NOP14: variants seen among roughly 807,000 people sequenced by gnomAD.
NOP14 encodes NOP14 nucleolar protein.
NOP14 carries 57 observed loss-of-function variants against 101.6 expected under a neutral mutation model. The ratio of observed to expected loss-of-function variants is 0.56; its 90% CI spans 0.45 to 0.70. The LOEUF (loss-of-function observed/expected upper bound fraction) is 0.70. Ranked by LOEUF, NOP14 falls within the 30% of genes least tolerant of loss-of-function variation. NOP14 has a pLI of 0.00. For missense variants in NOP14, 1,134 were observed against 1,075.5 expected, an observed-to-expected ratio of 1.05 and a Z score of -0.76; for synonymous variants, 428 against 424.0, an observed-to-expected ratio of 1.01 and a Z score of -0.12.
At chr4:2,961,994 C>G (rs992174822) in intron 1 of NOP14, among the ~76,000 whole-genome samples, 9 of 152,180 alleles carry the variant, frequency 5.9e-5, no homozygotes, top group African/African-American at 1.9e-4. Context: ...CCTTTAGAGA[C>G]TTTCGGAGGT....
At position 2,953,632 on chromosome 4, in the gene NOP14, G is replaced by C; in HGVS notation, c.626C>G (p.Ala209Gly). The C allele has an allele frequency of 6.2e-7, 1 of 1,614,134 alleles. No homozygotes were observed. The highest frequency in any genetic ancestry group is 8.5e-7 in the Non-Finnish European group (1 of 1,180,030). ...KSKQEKRERQ[A>G]QREDALELTE... ...GAGCTCGAGGGCATCTTCTCGTTGA[G>C]CTTGTCTCTCCCTCTGGGGAAAAAA... Residue 209 changes from alanine to glycine, a missense_variant, in exon 5 of 18, where the codon GCT (alanine) becomes GGT (glycine). Transcript: ENST00000416614.
In NOP14 at chr4:2,945,122, A is replaced by G. The variant is rs1316646838; in HGVS notation, c.1737+6T>C. On this transcript the variant is annotated splice_donor_region_variant and intron_variant, in intron 12 of 17. Coordinates refer to ENST00000416614, the MANE Select transcript of NOP14 (RefSeq NM_001291978.2). Reference sequence around the variant, plus strand: ...CCGACCCCTGCCGCATGTGGAGAGAACGCACCTTGGTGAGCAGCTGACTGA... The same window carrying G: ...CCGACCCCTGCCGCATGTGGAGAGAGCGCACCTTGGTGAGCAGCTGACTGA... 1.3e-6 allele frequency: 2 copies of G among 1,574,048 alleles called. No individual in the cohort carries two copies. Among genetic ancestry groups the G allele is most frequent in the Admixed American group, 3.7e-5 (2 of 53,904 alleles).
chr4:2,952,992 A>C (rs935283328), intron 5 of NOP14, among the ~76,000 whole-genome samples: 1 of 152,240 alleles, frequency 6.6e-6, no homozygotes, highest in Non-Finnish European at 1.5e-5. Context: ...AAACGTGGGA[A>C]ACTAAGTAAA....
At chr4:2,939,005 C>A (rs981281280) in intron 17 of NOP14, 75 bp from the exon 18 acceptor site, 4 of 1,503,586 alleles carry the variant, frequency 2.7e-6, no homozygotes, top group East Asian at 2.3e-5. Flanking sequence ...TCTCCCACAT[C>A]AGAACCACAT....
Position 2,963,359 on chromosome 4 carries a change from G to A in NOP14, c.-40C>T. ...TGCGCCCAAGGGCCCGAGACCCGAA[G>A]AGAGACAGGCGCGCGCTACCCTAAG... On this transcript the variant is annotated 5_prime_UTR_variant, in exon 1 of 18. Transcript: ENST00000416614. The A allele has an allele frequency of 6.6e-7, 1 of 1,510,568 alleles. No homozygotes were observed. The highest frequency in any genetic ancestry group is 8.8e-7 in the Non-Finnish European group (1 of 1,138,232). 93.6% of individuals were successfully genotyped at this position (1,510,568 alleles called of 1,614,324 possible).
intron 6 of NOP14, 97 bp from the exon 7 acceptor site, chr4:2,951,342 G>T: frequency 8.9e-7 from 1 of 1,121,594 alleles, no homozygotes; most frequent in Non-Finnish European, 1.3e-6. Flanking sequence ...TGGGCCTACG[G>T]TCCTCCCAGC....
At chr4:2,952,490 AATGG>A in intron 5 of NOP14, 93 bp from the exon 6 acceptor site, 1 of 1,153,802 alleles carries the variant, frequency 8.7e-7, no homozygotes, top group Non-Finnish European at 1.2e-6. Flanking sequence ...ACATTCTAGT[AATGG>A]CTAGATAATG....
Position 2,938,391 on chromosome 4 carries a change from A to AG in NOP14, c.*439_*440insC. ...CAAAATTAGCTGGGCGTGGTGGCAC[A>AG]TGTCTGTAATCCCAGCTACTCGGGA... On this transcript the variant is annotated 3_prime_UTR_variant, in exon 18 of 18. Transcript: ENST00000416614. 1 of 388,768 alleles carries AG rather than the reference A, an allele frequency of 2.6e-6. No individual in the cohort carries two copies. The highest frequency in any genetic ancestry group is 5.0e-6 in the Non-Finnish European group (1 of 199,454). 24.1% of individuals were successfully genotyped at this position (388,768 alleles called of 1,614,324 possible).
In NOP14 at chr4:2,957,675, G is replaced by A; in HGVS notation, c.261C>T (p.Arg87=). Residue 87 remains arginine (R), a synonymous_variant, in exon 2 of 18, where the codon CGC becomes CGT. Coordinates refer to ENST00000416614, the MANE Select transcript of NOP14 (RefSeq NM_001291978.2). ...TCATGTTGCTGTTGTATTCTCCGAA[G>A]CGTTTATCTCTGAATACATTGGATT... The part of the protein sequence containing the change: ...RDKSNVFRDK[R]FGEYNSNMSP... The A allele has an allele frequency of 1.9e-6, 3 of 1,614,032 alleles. No homozygotes were observed. In the South Asian group the frequency reaches 3.3e-5, roughly 18 times the overall value.
intron 15 of NOP14, 149 bp downstream of exon 15, chr4:2,941,433 T>C (rs543040932): frequency 2.3e-5 from 16 of 707,930 alleles, no homozygotes; most frequent in South Asian, 1.7e-4. Context: ...CCCACTCTTA[T>C]GATTTTACTT....
chr4:2,958,610 G>A (rs952661510), intron 1 of NOP14, among the ~76,000 whole-genome samples: 1 of 152,214 alleles, frequency 6.6e-6, no homozygotes, highest in Non-Finnish European at 1.5e-5. Flanking sequence ...CGGTGCCTCG[G>A]CAGACATTTG....
intron 10 of NOP14, 81 bp downstream of exon 10, chr4:2,947,445 A>C (rs1577833667): frequency 1.0e-6 from 1 of 984,764 alleles, no homozygotes; most frequent in East Asian, 2.4e-5. Flanking sequence ...GTAACTCTGG[A>C]ATGTATTTTT....
rs1714271106 is a variant in NOP14, at chr4:2,942,338, C to T, written c.1905G>A (p.Val635=). 1 of 1,613,664 alleles carries T rather than the reference C, an allele frequency of 6.2e-7. No individual in the cohort carries two copies. The highest frequency in any genetic ancestry group is 8.5e-7 in the Non-Finnish European group (1 of 1,179,638). ...PNKASQGSTL[V]HPFRALGKNS... Reference sequence around the variant, plus strand: ...TCTTCCCAAGCGCTCTGAAAGGGTGCACCAGAGTGGAACCTGAATTCCAAG... The same window carrying T: ...TCTTCCCAAGCGCTCTGAAAGGGTGTACCAGAGTGGAACCTGAATTCCAAG... Residue 635 remains valine, a synonymous_variant, in exon 14 of 18, where the codon GTG becomes GTA. Coordinates refer to ENST00000416614, the MANE Select transcript of NOP14 (RefSeq NM_001291978.2).
At chr4:2,942,081 C>T (rs546743254) in intron 14 of NOP14, 111 bp downstream of exon 14, 39 of 1,131,118 alleles carry the variant, frequency 3.4e-5, no homozygotes, top group South Asian at 2.4e-4. Flanking sequence ...TCAAACCAAA[C>T]GGCCGGGCGG....
At position 2,956,674 on chromosome 4, in the gene NOP14, C is replaced by G; in HGVS notation, c.468G>C (p.Leu156Phe). 6.2e-7 allele frequency: 1 copy of G among 1,611,780 alleles called. No homozygotes were observed. Among genetic ancestry groups the G allele is most frequent in the Non-Finnish European group, 8.5e-7 (1 of 1,179,358 alleles). The change falls in exon 3 of 18, where the codon TTG (leucine) becomes TTC (phenylalanine). Residue 156 changes from leucine (L) to phenylalanine (F), a missense_variant. By Grantham distance (22) the Leu-to-Phe change is conservative. Coordinates refer to ENST00000416614, the MANE Select transcript of NOP14 (RefSeq NM_001291978.2). ...TGCACAGCACCCCAGCCTCACCAGA[C>G]AACGTTCCTCGATCCTCAGCATCGC... ...SDSDAEDRGT[L>F]SAELTAAHFG... is the part of the protein sequence containing the mutation.
intron 15 of NOP14, 62 bp downstream of exon 15, chr4:2,941,520 G>T (rs1283902434): frequency 1.3e-6 from 2 of 1,509,282 alleles, no homozygotes; most frequent in Non-Finnish European, 1.8e-6. Context: ...CCACCAGCTT[G>T]GCCCCAGCTC....
chr4:2,949,988 C>T lies in NOP14; in HGVS notation c.1228G>A (p.Gly410Ser), dbSNP rs1437190428. ...GTAGCTTTTCCAGCTCTTTCCTTGCCGCTTATCAACCCTTTCCCAGGAGTC... is the reference window on the plus strand; with the variant it reads ...GTAGCTTTTCCAGCTCTTTCCTTGCTGCTTATCAACCCTTTCCCAGGAGTC... ...RQTPGKGLIS[G>S]KERAGKATRD... is the part of the protein sequence containing the mutation. Residue 410 changes from glycine (G) to serine (S), a missense_variant, in exon 8 of 18, where the codon GGC (glycine) becomes AGC (serine). Transcript: ENST00000416614. 12 of 1,613,994 alleles carry T rather than the reference C, an allele frequency of 7.4e-6. No individual in the cohort carries two copies. The East Asian group carries it at 8.9e-5, about 12-fold the overall frequency.
In NOP14 at chr4:2,952,322, C is replaced by A. The variant is rs1560303987; in HGVS notation, c.823G>T (p.Glu275Ter). The change falls in exon 6 of 18, where the codon GAG becomes TAG. Residue 275 changes from glutamate (E) to a stop codon, truncating the protein, a stop_gained. Coordinates refer to ENST00000416614, the MANE Select transcript of NOP14 (RefSeq NM_001291978.2). LOFTEE classifies it high-confidence loss of function. ...KAQPSNRMKT[E>*]AELAKEEQEH... The stretch of plus-strand genomic sequence containing the variant: ...TGCTCTTCCTTTGCCAATTCTGCCT[C>A]CGTCTTCATCCTGTTAGAGGGCTGC... 1 of 1,613,906 alleles carries A rather than the reference C, an allele frequency of 6.2e-7. No individual in the cohort carries two copies. Among genetic ancestry groups the A allele is most frequent in the Non-Finnish European group, 8.5e-7 (1 of 1,179,842 alleles).
chr4:2,940,966 C>CCAG (rs1349811806), intron 15 of NOP14: 2 of 150,658 alleles, frequency 1.3e-5, no homozygotes, highest in East Asian at 3.8e-4. Flanking sequence ...GCCTTCGGCT[C>CCAG]CAGCAGCATC....
Sources: gnomAD v4.1 joint callset for allele counts (sites outside exome capture counted in the v4.1 genomes callset) on GRCh38, gnomAD v4.1.1 for gene constraint, MANE v1.5 for transcripts, NCBI Gene and HGNC (gene_info 2026-07-23, HGNC 2026-07-21) for gene names.